The following SLC25A51 variants were observed in gnomAD, a reference collection of about 807,000 sequenced individuals.
SLC25A51 encodes mitochondrial nicotinamide adenine dinucleotide transporter SLC25A51.
Under a neutral mutation model 19.1 loss-of-function variants are expected in SLC25A51, and 11 were observed. The ratio of observed to expected loss-of-function variants is 0.58; its 90% CI spans 0.36 to 0.96. The LOEUF (loss-of-function observed/expected upper bound fraction) is 0.96, where lower values mean the gene tolerates loss of function less well. Among genes scored for constraint, SLC25A51 ranks in the 40% least tolerant of loss-of-function variants. The pLI is 0.01. For synonymous variants in SLC25A51, 105 were observed against 133.6 expected, an observed-to-expected ratio of 0.79 and a Z score of 1.47; for missense variants, 201 against 365.4, an observed-to-expected ratio of 0.55 and a Z score of 3.67.
chr9:37,877,801 A>G (rs748441801), downstream of SLC25A51, among the ~76,000 whole-genome samples: 3 of 152,122 alleles, frequency 2.0e-5, no homozygotes, highest in Non-Finnish European at 4.4e-5. Flanking sequence ...TGAGCTCAGA[A>G]GTTTGAGACC....
exon 4 of SLC25A51, chr9:37,880,694 G>C (rs1027584202): frequency 2.0e-5 from 3 of 152,316 alleles, no homozygotes; most frequent in African/African-American, 7.2e-5. Flanking sequence ...AGGTTGCGGT[G>C]AGCCGAGATC....
intron 2 of SLC25A51, among the ~76,000 whole-genome samples, chr9:37,895,849 T>C (rs1831703914): frequency 6.6e-6 from 1 of 151,782 alleles, no homozygotes; most frequent in Admixed American, 6.6e-5. Context: ...AGTCTCACTC[T>C]ATCATCTAGG....
chr9:37,885,879 C>T (rs868255876), downstream of SLC25A51: 1 of 1,504,532 alleles, frequency 6.6e-7, no homozygotes, highest in African/African-American at 1.7e-5. Context: ...GACGTGCAAA[C>T]CCCCCCCTCC....
At chr9:37,885,535 G>A (rs1300656511), downstream of SLC25A51, 9 of 585,348 alleles carry the variant, frequency 1.5e-5, no homozygotes, top group East Asian at 1.2e-4. Flanking sequence ...GACTACAGGC[G>A]CCCGCCACCA....
chr9:37,886,359 T>C, downstream of SLC25A51: 2 of 1,611,116 alleles, frequency 1.2e-6, no homozygotes, highest in Non-Finnish European at 1.7e-6. Flanking sequence ...CCCACCACAG[T>C]GTCAGATGGG....
At chr9:37,896,327 T>C (rs1831713565) in intron 2 of SLC25A51, among the ~76,000 whole-genome samples, 1 of 152,038 alleles carries the variant, frequency 6.6e-6, no homozygotes, top group African/African-American at 2.4e-5. Flanking sequence ...TTTAACCTAT[T>C]GCAGCATCAA....
At chr9:37,888,737 C>A in intron 2 of SLC25A51, 145 bp from the exon 3 acceptor site, 1 of 681,150 alleles carries the variant, frequency 1.5e-6, no homozygotes. Context: ...TTTCAGAAGA[C>A]CCCTGGAAGT....
chr9:37,888,290 T>G lies in SLC25A51; in HGVS notation c.261A>C (p.Pro87=), dbSNP rs1479445128. 2 of 1,614,212 alleles carry G rather than the reference T, an allele frequency of 1.2e-6. No individual in the cohort carries two copies. The highest frequency in any genetic ancestry group is 1.7e-5 in the Admixed American group (1 of 60,028). The part of the protein sequence containing the change: ...FRNLYRGILP[P]LMQKTTTLAL... Reference sequence around the variant, plus strand: ...CAAGCGTAGTTGTCTTCTGCATCAATGGGGGAAGGATTCCACGATACAAAT... The same window carrying G: ...CAAGCGTAGTTGTCTTCTGCATCAAGGGGGGAAGGATTCCACGATACAAAT... Residue 87 remains proline (P), a synonymous_variant, in exon 3 of 3, where the codon CCA becomes CCC. Transcript: ENST00000242275.
chr9:37,881,350 G>T (rs143703099), intron 3 of SLC25A51, among the ~76,000 whole-genome samples: 1 of 152,296 alleles, frequency 6.6e-6, no homozygotes, highest in East Asian at 1.9e-4. Context: ...TAAATATGAG[G>T]AAGACCTTTA....
At chr9:37,887,573 T>TTA, downstream of SLC25A51, 1 of 1,295,010 alleles carries the variant, frequency 7.7e-7, no homozygotes, top group Non-Finnish European at 1.0e-6. Flanking sequence ...GGATTTCCTT[T>TTA]AAAAAAAAAA....
At chr9:37,884,268 C>A (rs1831404074), downstream of SLC25A51, among the ~76,000 whole-genome samples, 1 of 152,262 alleles carries the variant, frequency 6.6e-6, no homozygotes, top group African/African-American at 2.4e-5. Flanking sequence ...ATATTTTCAC[C>A]TTTTCTAATT....
At chr9:37,886,910 T>A (rs1229481975), downstream of SLC25A51, among the ~76,000 whole-genome samples, 1 of 151,514 alleles carries the variant, frequency 6.6e-6, no homozygotes. Context: ...ACACCTGTAA[T>A]CCCAGCACTT....
rs1319265456 is a variant in SLC25A51 at position 37,904,124 on chromosome 9, G to C, written c.-221C>G. Reference sequence around the variant, plus strand: ...GCGAGCCGGGGCCCGCGCAGGCGCAGACTGTGACCGACCCCGAGGTTGGGG... The same window carrying C: ...GCGAGCCGGGGCCCGCGCAGGCGCACACTGTGACCGACCCCGAGGTTGGGG... On this transcript the variant is annotated 5_prime_UTR_variant, in exon 1 of 3. Coordinates refer to ENST00000242275, the MANE Select transcript of SLC25A51 (RefSeq NM_033412.4). 6.6e-6 allele frequency: 1 copy of C among 152,318 alleles called. No individual in the cohort carries two copies. The highest frequency in any genetic ancestry group is 1.5e-5 in the Non-Finnish European group (1 of 68,106). The allele number at this position is 152,318 out of a possible 1,614,324, so 9.4% of individuals were successfully genotyped here. A position where few individuals can be genotyped will look rare whatever the true frequency, so the allele number is the denominator to read the frequency against.
At chr9:37,903,931 G>A (rs999618942) in intron 1 of SLC25A51, 137 bp downstream of exon 1, 1 of 152,382 alleles carries the variant, frequency 6.6e-6, no homozygotes, top group Non-Finnish European at 1.5e-5. Flanking sequence ...CCGGGCCAGG[G>A]CAGCCGGAGC....
At chr9:37,884,286 CAAATAAGTTTTTGT>C (rs1831404957), downstream of SLC25A51, among the ~76,000 whole-genome samples, 4 of 152,222 alleles carry the variant, frequency 2.6e-5, no homozygotes, top group African/African-American at 9.6e-5. Flanking sequence ...ATTCTTTTGA[CAAATAAGTTTTTGT>C]CTGTTAAGGG....
In SLC25A51 at chr9:37,888,032, A is replaced by G; in HGVS notation, c.519T>C (p.Tyr173=). ...GGAAAAGAATGGGCACCAAGCCTCG[A>G]TAATACTCTCCAATTCCATGACATT... ...ALKCHGIGEY[Y]RGLVPILFRN... is the part of the protein sequence containing the mutation. The change falls in exon 3 of 3, where the codon TAT becomes TAC. Residue 173 remains tyrosine, a synonymous_variant. Transcript: ENST00000242275. 6.2e-7 allele frequency: 1 copy of G among 1,613,036 alleles called. No individual in the cohort carries two copies. The highest frequency in any genetic ancestry group is 8.5e-7 in the Non-Finnish European group (1 of 1,179,862).
intron 1 of SLC25A51, among the ~76,000 whole-genome samples, chr9:37,901,094 T>C (rs974093289): frequency 6.6e-6 from 1 of 151,306 alleles, no homozygotes; most frequent in African/African-American, 2.4e-5. Context: ...TCAAACTCCT[T>C]GGGCTCACAT....
downstream of SLC25A51, chr9:37,886,006 C>T (rs1831448311): frequency 5.0e-6 from 8 of 1,613,718 alleles, no homozygotes. Context: ...GGTCTAATGA[C>T]TGCCAATCAT....
chr9:37,881,582 A>G (rs1484396152), exon 3 of SLC25A51: 1 of 152,188 alleles, frequency 6.6e-6, no homozygotes, highest in Non-Finnish European at 1.5e-5. Context: ...AGTCAAGGCT[A>G]TAGTGAGCCA....
Sources: allele counts gnomAD v4.1 joint callset (sites outside exome capture counted in the v4.1 genomes callset), GRCh38; gene constraint gnomAD v4.1.1; transcripts MANE v1.5; gene names NCBI Gene and HGNC (gene_info 2026-07-23, HGNC 2026-07-21).